DLGAP1: variants seen among roughly 807,000 people sequenced by gnomAD.
DLGAP1 encodes the protein disks large-associated protein 1.
DLGAP1 carries 11 observed loss-of-function variants against 90.8 expected under a neutral mutation model. The ratio of observed to expected loss-of-function variants is 0.12; its 90% CI spans 0.08 to 0.20. The LOEUF (loss-of-function observed/expected upper bound fraction) is 0.20, where lower values mean the gene tolerates loss of function less well. Ranked by LOEUF, DLGAP1 falls within the 10% of genes least tolerant of loss-of-function variation. DLGAP1 has a pLI of 1.00. For missense variants in DLGAP1, 1,050 were observed against 1,333.8 expected (o/e 0.79, Z 3.31); for synonymous variants, 558 against 540.7 (o/e 1.03, Z -0.44).
chr18:4,211,410 A>C (rs1568453267), intron 1 of DLGAP1, among the ~76,000 whole-genome samples: 2 of 152,204 alleles, frequency 1.3e-5, no homozygotes, highest in Non-Finnish European at 2.9e-5. Context: ...AAATGTTAGA[A>C]AGGGTTATCA....
In DLGAP1 at chr18:3,565,849, CAA is replaced by C. The variant is rs2054398288; in HGVS notation, c.2057+1639_2057+1640del. On this transcript the variant is annotated intron_variant, in intron 9 of 12. Coordinates refer to ENST00000315677, the MANE Select transcript of DLGAP1 (RefSeq NM_004746.4). The surrounding 1 kb of genome is among the most constrained non-coding windows in gnomAD (Gnocchi z 4.0). The stretch of plus-strand genomic sequence containing the variant: ...GACTCTGTCTCAAAAAAACCACACA[CAA>C]AAAACAAACAAACAAAAAAAAATGA... Among the ~76,000 whole-genome samples the C allele has an allele frequency of 6.9e-6, 1 of 144,656 alleles. No individual in the cohort carries two copies. The allele number at this position is 144,656 out of a possible 152,430, so 94.9% of individuals were successfully genotyped here. A position where few individuals can be genotyped will look rare whatever the true frequency, so the allele number is the denominator to read the frequency against.
intron 7 of DLGAP1, among the ~76,000 whole-genome samples, chr18:3,693,498 G>A (rs2060972563): frequency 6.6e-6 from 1 of 152,212 alleles, no homozygotes; most frequent in Non-Finnish European, 1.5e-5. Context: ...GCAGAAACAT[G>A]TTAGAAAACG....
At chr18:4,380,147 A>T (rs1401099907) in intron 1 of DLGAP1, among the ~76,000 whole-genome samples, 2 of 152,188 alleles carry the variant, frequency 1.3e-5, no homozygotes, top group African/African-American at 4.8e-5. Flanking sequence ...TATGAATAGG[A>T]CTTGTAGTTT....
At chr18:3,703,842 T>C (rs1048265437) in intron 7 of DLGAP1, among the ~76,000 whole-genome samples, 2 of 152,140 alleles carry the variant, frequency 1.3e-5, no homozygotes, top group Non-Finnish European at 2.9e-5. Flanking sequence ...AGGGAGACTT[T>C]CCACACACGG....
intron 1 of DLGAP1, among the ~76,000 whole-genome samples, chr18:4,156,884 G>A (rs1281957659): frequency 2.0e-5 from 3 of 152,128 alleles, no homozygotes; most frequent in Non-Finnish European, 4.4e-5. Context: ...ATGGCCATAG[G>A]GCCGAGTGCA....
chr18:4,447,661 A>G (rs2083701565), intron 1 of DLGAP1, among the ~76,000 whole-genome samples: 1 of 152,226 alleles, frequency 6.6e-6, no homozygotes, highest in Admixed American at 6.5e-5. Context: ...AGGAATTTTT[A>G]ATGAATAATA....
At chr18:3,864,077 A>C (rs1227624584) in intron 4 of DLGAP1, among the ~76,000 whole-genome samples, 2 of 152,216 alleles carry the variant, frequency 1.3e-5, no homozygotes, top group East Asian at 3.9e-4. Context: ...CTGCCCCCAG[A>C]GTTCAGTCTG....
Position 3,660,135 on chromosome 18 carries a change from T to C in DLGAP1, c.1591+69000A>G, listed in dbSNP as rs1376779202. 6.6e-6 allele frequency among the ~76,000 whole-genome samples: 1 copy of C among 152,184 alleles called. No homozygotes were observed. Among genetic ancestry groups the C allele is most frequent in the Non-Finnish European group, 1.5e-5 (1 of 68,038 alleles). On this transcript the variant is annotated intron_variant, in intron 7 of 12. Coordinates refer to ENST00000315677, the MANE Select transcript of DLGAP1 (RefSeq NM_004746.4). The surrounding 1 kb of genome is among the most constrained non-coding windows in gnomAD (Gnocchi z 4.2). ...TTAGAGCAGGCCAGAAATAACTCTA[T>C]CCCATTGCTCTTATTTATTTATTTG...
chr18:3,656,061 A>G, intron 7 of DLGAP1: 1 of 1,538,784 alleles, frequency 6.5e-7, no homozygotes, highest in African/African-American at 1.4e-5. Flanking sequence ...AACATTATTG[A>G]TTTTGTGGTT....
At chr18:3,632,598 C>T (rs1442734304) in intron 7 of DLGAP1, among the ~76,000 whole-genome samples, 2 of 152,172 alleles carry the variant, frequency 1.3e-5, no homozygotes, top group Non-Finnish European at 2.9e-5. Flanking sequence ...CCATCATGCC[C>T]ATCCTAATTC....
At chr18:3,717,383 C>G (rs4798110) in intron 7 of DLGAP1, among the ~76,000 whole-genome samples, 1 of 151,844 alleles carries the variant, frequency 6.6e-6, no homozygotes, top group Non-Finnish European at 1.5e-5. Flanking sequence ...TTCACCTCCA[C>G]GGGGCTTTGG....
chr18:4,372,170 A>G (rs1018034591), intron 1 of DLGAP1, among the ~76,000 whole-genome samples: 2 of 152,214 alleles, frequency 1.3e-5, no homozygotes, highest in Admixed American at 1.3e-4. Flanking sequence ...GTCTTGAGAA[A>G]CTTTGGCTTG....
rs569630643 is a variant in DLGAP1, at chr18:3,539,955, ATTCT to A, written c.2058-5344_2058-5341del. On this transcript the variant is annotated intron_variant, in intron 9 of 12. Transcript: ENST00000315677. ...AAGAGAGCAATGCTAGCACTCTGCT[ATTCT>A]TTCTTTCTTTGTACATGCCTTTAGA... 2.0e-5 allele frequency among the ~76,000 whole-genome samples: 3 copies of A among 152,276 alleles called. No homozygotes were observed. The South Asian group carries it at 6.2e-4, about 32-fold the overall frequency.
intron 1 of DLGAP1, among the ~76,000 whole-genome samples, chr18:4,193,120 C>G (rs2077431721): frequency 6.6e-6 from 1 of 152,140 alleles, no homozygotes; most frequent in South Asian, 2.1e-4. Context: ...TCAGTGTTAT[C>G]AAGTGCATTG....
chr18:3,688,608 A>G (rs1347882821), intron 7 of DLGAP1, among the ~76,000 whole-genome samples: 1 of 140,878 alleles, frequency 7.1e-6, no homozygotes, highest in Non-Finnish European at 1.5e-5. Context: ...CTAGGTATTA[A>G]AAAAAGACAC....
Position 3,783,805 on chromosome 18 carries a change from GCAAT to G in DLGAP1, c.1172+30250_1172+30253del, listed in dbSNP as rs544583504. On this transcript the variant is annotated intron_variant, in intron 5 of 12. Coordinates refer to ENST00000315677, the MANE Select transcript of DLGAP1 (RefSeq NM_004746.4). ...CTAAATAAAGTGGTTACTACAAAAA[GCAAT>G]ATCCTTTGGAAGTTGCTTACATGTG... Among the ~76,000 whole-genome samples, 404 of 152,264 alleles carry G rather than the reference GCAAT, an allele frequency of 2.7e-3. 4 individuals are homozygous for G. Among genetic ancestry groups the G allele is most frequent in the African/African-American group, 9.4e-3 (389 of 41,556 alleles).
chr18:3,570,511 T>C (rs1021175277), intron 8 of DLGAP1, among the ~76,000 whole-genome samples: 1 of 151,904 alleles, frequency 6.6e-6, no homozygotes, highest in African/African-American at 2.4e-5. Flanking sequence ...CCTCCCAACC[T>C]CAGCTGATCT....
At chr18:4,324,741 C>T (rs1389290009) in intron 1 of DLGAP1, among the ~76,000 whole-genome samples, 1 of 42,262 alleles carries the variant, frequency 2.4e-5, no homozygotes, top group Non-Finnish European at 4.2e-5. Context: ...TGTGATTAAT[C>T]ACATAAACAA....
At chr18:3,623,190 G>A (rs2058162976) in intron 7 of DLGAP1, among the ~76,000 whole-genome samples, 1 of 152,104 alleles carries the variant, frequency 6.6e-6, no homozygotes, top group Non-Finnish European at 1.5e-5. Context: ...TGGTGAAACA[G>A]GCATGCTAAA....
Sources: allele counts gnomAD v4.1 joint callset (sites outside exome capture counted in the v4.1 genomes callset), GRCh38; gene constraint gnomAD v4.1.1; non-coding constraint Gnocchi (gnomAD v3.1); transcripts MANE v1.5; gene names NCBI Gene and HGNC (gene_info 2026-07-23, HGNC 2026-07-21).